Variants in ANKMY2 observed in about 807,000 individuals in gnomAD.
ANKMY2 encodes ankyrin repeat and MYND domain-containing protein 2.
In ANKMY2, 36 loss-of-function variants were observed where a neutral mutation model predicts 50.4. The observed-to-expected ratio is 0.71, with a 90% CI of 0.55 to 0.94. The LOEUF (loss-of-function observed/expected upper bound fraction) is 0.94, where lower values mean the gene tolerates loss of function less well. Among genes scored for constraint, ANKMY2 ranks in the 40% least tolerant of loss-of-function variants. The probability of loss-of-function intolerance (pLI) is 0.00; values close to 1 mark genes in which losing one functional copy is unlikely to be tolerated. For missense variants in ANKMY2, 565 were observed against 524.0 expected (o/e 1.08, Z -0.76); for synonymous variants, 187 against 178.8 (o/e 1.05, Z -0.36).
intron 4 of ANKMY2, among the ~76,000 whole-genome samples, chr7:16,624,624 T>C (rs142635126): frequency 2.7e-4 from 41 of 152,316 alleles, no homozygotes; most frequent in African/African-American, 7.5e-4. Context: ...AATTATTAAG[T>C]ACTTTGCTAT....
chr7:16,614,888 C>T (rs1781315622), intron 5 of ANKMY2, among the ~76,000 whole-genome samples: 1 of 152,208 alleles, frequency 6.6e-6, no homozygotes, highest in South Asian at 2.1e-4. Flanking sequence ...AGGACCTCAT[C>T]ACTGTAGCAC....
At chr7:16,617,921 T>TG (rs1295258757) in intron 4 of ANKMY2, among the ~76,000 whole-genome samples, 10 of 132,442 alleles carry the variant, frequency 7.6e-5, no homozygotes, top group African/African-American at 4.0e-4. Context: ...GAGCGTGTTT[T>TG]TTTTTTTTTT....
chr7:16,620,323 A>C (rs1781414076), intron 4 of ANKMY2, among the ~76,000 whole-genome samples: 1 of 152,216 alleles, frequency 6.6e-6, no homozygotes, highest in Non-Finnish European at 1.5e-5. Flanking sequence ...TGACACTCTC[A>C]TTACAGCTTG....
intron 1 of ANKMY2, among the ~76,000 whole-genome samples, chr7:16,643,336 AAAATT>A (rs1177826584): frequency 2.0e-5 from 3 of 152,234 alleles, no homozygotes; most frequent in Non-Finnish European, 4.4e-5. Context: ...TAAAGTACTT[AAAATT>A]ATGTGTGGCT....
Position 16,645,544 on chromosome 7 carries a change from G to A in ANKMY2, c.30C>T (p.Thr10=). The change falls in exon 1 of 10, where the codon ACC becomes ACT. Residue 10 remains threonine, a synonymous_variant. Coordinates refer to ENST00000306999, the MANE Select transcript of ANKMY2 (RefSeq NM_020319.3). MVHIKKGEL[T]QEEKELLEVI... is the part of the protein sequence containing the mutation. The stretch of plus-strand genomic sequence containing the variant: ...CTTCCAGTAGCTCCTTCTCCTCCTG[G>A]GTCAGCTCGCCTTTCTTTATGTGAA... The A allele has an allele frequency of 6.2e-7, 1 of 1,612,052 alleles. No homozygotes were observed. The highest frequency in any genetic ancestry group is 8.5e-7 in the Non-Finnish European group (1 of 1,179,000).
At chr7:16,625,658 T>A (rs527287987) in intron 3 of ANKMY2, among the ~76,000 whole-genome samples, 2 of 152,308 alleles carry the variant, frequency 1.3e-5, no homozygotes, top group South Asian at 4.2e-4. Flanking sequence ...GAATTATGAT[T>A]TCCTTAGGAA....
intron 4 of ANKMY2, among the ~76,000 whole-genome samples, chr7:16,617,795 G>A (rs905331047): frequency 5.9e-5 from 9 of 151,612 alleles, no homozygotes; most frequent in Non-Finnish European, 1.2e-4. Context: ...GCACAAACCC[G>A]TTTCTACAAA....
At chr7:16,606,353 C>T (rs955652975) in intron 7 of ANKMY2, among the ~76,000 whole-genome samples, 4 of 151,636 alleles carry the variant, frequency 2.6e-5, no homozygotes, top group Non-Finnish European at 5.9e-5. Flanking sequence ...CACCTGAGTC[C>T]GGGAGGCAGA....
intron 2 of ANKMY2, among the ~76,000 whole-genome samples, chr7:16,629,002 TG>T (rs1781542764): frequency 6.6e-6 from 1 of 152,190 alleles, no homozygotes; most frequent in South Asian, 2.1e-4. Context: ...AAAAGAGATA[TG>T]CAAAACTTTT....
At position 16,626,780 on chromosome 7, in the gene ANKMY2, A is replaced by C. The variant is rs1781512469; in HGVS notation, c.271+260T>G. Among the ~76,000 whole-genome samples, 3 of 152,336 alleles carry C rather than the reference A, an allele frequency of 2.0e-5. No homozygotes were observed. In the South Asian group the frequency reaches 6.2e-4, roughly 32 times the overall value. ...AAAGGAGGTAACTTGAAAGAAAAAC[A>C]GATCCAGTTCCTCAATTCCATCAAA... On this transcript the variant is annotated intron_variant, in intron 3 of 9. Coordinates refer to ENST00000306999, the MANE Select transcript of ANKMY2 (RefSeq NM_020319.3).
At chr7:16,644,586 T>C (rs147114186) in intron 1 of ANKMY2, 242 of 425,212 alleles carry the variant, frequency 5.7e-4, no homozygotes, top group African/African-American at 3.4e-3. Context: ...TATATTATTA[T>C]TGAGTTTAAA....
At chr7:16,635,045 C>T (rs1295810432) in intron 2 of ANKMY2, among the ~76,000 whole-genome samples, 1 of 152,120 alleles carries the variant, frequency 6.6e-6, no homozygotes, top group Non-Finnish European at 1.5e-5. Context: ...GATGTCCATA[C>T]CAACATTTGT....
rs758896414 is a variant in ANKMY2 at position 16,627,163 on chromosome 7, G to C, written c.148C>G (p.Leu50Val). Residue 50 changes from leucine to valine, a missense_variant, in exon 3 of 10, where the codon CTA becomes GTA. By Grantham distance (32) the Leu-to-Val change is conservative (BLOSUM62 1). Coordinates refer to ENST00000306999, the MANE Select transcript of ANKMY2 (RefSeq NM_020319.3). The stretch of plus-strand genomic sequence containing the variant: ...TTTCCTTTATATGCTGCATGCATTA[G>C]AGGAGTCATTCCATTCTTTAATAGA... ...NCLDENGMTP[L>V]MHAAYKGKLD... The C allele has an allele frequency of 3.1e-5, 49 of 1,591,608 alleles. No homozygotes were observed. The highest frequency in any genetic ancestry group is 3.7e-5 in the Non-Finnish European group (43 of 1,166,198).
In ANKMY2 at chr7:16,625,339, C is replaced by T. The variant is rs1226541718; in HGVS notation, c.272-258G>A. Among the ~76,000 whole-genome samples, 3 of 152,184 alleles carry T rather than the reference C, an allele frequency of 2.0e-5. No individual in the cohort carries two copies. The East Asian group carries it at 5.8e-4, about 29-fold the overall frequency. ...TGGAATTGAATACTGCCTTTTTAAA[C>T]AAAATGAAATATATTTTCCTAGAGG... On this transcript the variant is annotated intron_variant, in intron 3 of 9. Coordinates refer to ENST00000306999, the MANE Select transcript of ANKMY2 (RefSeq NM_020319.3).
At chr7:16,602,297 A>G (rs1424522405) in intron 9 of ANKMY2, 83 bp downstream of exon 9, 4 of 1,502,752 alleles carry the variant, frequency 2.7e-6, no homozygotes, top group Non-Finnish European at 2.7e-6. Flanking sequence ...CTTCCAGAGA[A>G]GACGCAGTTT....
rs915512397 is a variant in ANKMY2 at position 16,600,639 on chromosome 7, A to G, written c.*122T>C. 9 of 793,090 alleles carry G rather than the reference A, an allele frequency of 1.1e-5. No homozygotes were observed. The highest frequency in any genetic ancestry group is 3.6e-5 in the Admixed American group (1 of 27,938). 49.1% of individuals were successfully genotyped at this position (793,090 alleles called of 1,614,324 possible). On this transcript the variant is annotated 3_prime_UTR_variant, in exon 10 of 10. Coordinates refer to ENST00000306999, the MANE Select transcript of ANKMY2 (RefSeq NM_020319.3). ...GGGTTTGCTTGAAAACCTGTATTCT[A>G]TGAAATGTGGAATCCTGCCATGGTG... is the stretch of plus-strand genomic sequence containing the variant.
At chr7:16,627,442 G>A (rs148583010) in intron 2 of ANKMY2, among the ~76,000 whole-genome samples, 139 of 152,216 alleles carry the variant, frequency 9.1e-4, no homozygotes, top group African/African-American at 3.2e-3. Context: ...TAAATGGTGG[G>A]GGCAGGGATT....
At chr7:16,604,898 G>C in intron 7 of ANKMY2, 49 bp from the exon 8 acceptor site, 2 of 1,577,012 alleles carry the variant, frequency 1.3e-6, no homozygotes, top group Non-Finnish European at 1.7e-6. Flanking sequence ...AATCACCATG[G>C]AAACACTACA....
At chr7:16,616,549 G>A (rs1372640937) in intron 4 of ANKMY2, among the ~76,000 whole-genome samples, 2 of 142,888 alleles carry the variant, frequency 1.4e-5, no homozygotes, top group African/African-American at 2.7e-5. Flanking sequence ...GAAGCTGCTG[G>A]TTTGCAAGTG....
Sources: allele counts gnomAD v4.1 joint callset (sites outside exome capture counted in the v4.1 genomes callset), GRCh38; gene constraint gnomAD v4.1.1; transcripts MANE v1.5; gene names NCBI Gene and HGNC (gene_info 2026-07-23, HGNC 2026-07-21).